PCSK2: variants seen among roughly 807,000 people sequenced by gnomAD.
PCSK2 encodes proprotein convertase subtilisin/kexin type 2, also known as neuroendocrine convertase 2.
PCSK2 carries 14 observed loss-of-function variants against 69.7 expected under a neutral mutation model. The observed-to-expected ratio is 0.20, with a 90% confidence interval of 0.13 to 0.31. The LOEUF (loss-of-function observed/expected upper bound fraction) is 0.31, where lower values mean the gene tolerates loss of function less well. Among genes scored for constraint, PCSK2 ranks in the 10% least tolerant of loss-of-function variants. The pLI is 1.00. For synonymous variants in PCSK2, 307 were observed against 320.7 expected (o/e 0.96, Z 0.46); for missense variants, 544 against 842.5 (o/e 0.65, Z 4.39).
intron 11 of PCSK2, among the ~76,000 whole-genome samples, chr20:17,467,637 G>A (rs940436317): frequency 6.6e-6 from 1 of 152,188 alleles, no homozygotes; most frequent in Non-Finnish European, 1.5e-5. Flanking sequence ...AAATTAAAAT[G>A]TGGAATTTTT....
chr20:17,287,187 A>G (rs376315139), intron 2 of PCSK2, among the ~76,000 whole-genome samples: 25 of 152,290 alleles, frequency 1.6e-4, no homozygotes, highest in African/African-American at 5.5e-4. Context: ...GCAACATCTA[A>G]ACTAGTGTTT....
chr20:17,384,562 A>G (rs937974340), intron 5 of PCSK2, among the ~76,000 whole-genome samples: 6 of 152,134 alleles, frequency 3.9e-5, no homozygotes, highest in Non-Finnish European at 8.8e-5. Context: ...AGATAGTGCC[A>G]TTGCACTCCA....
chr20:17,288,375 G>A (rs1199803466), intron 2 of PCSK2, among the ~76,000 whole-genome samples: 1 of 152,172 alleles, frequency 6.6e-6, no homozygotes, highest in Non-Finnish European at 1.5e-5. Flanking sequence ...GACAGCAATA[G>A]CAAGACCAGA....
intron 7 of PCSK2, among the ~76,000 whole-genome samples, chr20:17,435,556 T>C (rs1454673918): frequency 6.6e-6 from 1 of 152,164 alleles, no homozygotes; most frequent in Admixed American, 6.5e-5. Flanking sequence ...GTGCTCGCCA[T>C]GTTAGAGAGT....
In PCSK2 at chr20:17,347,925, G is replaced by A. The variant is rs561839342; in HGVS notation, c.283-10402G>A. 1.8e-4 allele frequency among the ~76,000 whole-genome samples: 10 copies of A among 54,122 alleles called. 2 individuals carry two copies. The highest frequency in any genetic ancestry group is 5.9e-4 in the African/African-American group (7 of 11,780). 35.5% of individuals were successfully genotyped at this position (54,122 alleles called of 152,430 possible). On this transcript the variant is annotated intron_variant, in intron 2 of 11. Coordinates refer to ENST00000262545, the MANE Select transcript of PCSK2 (RefSeq NM_002594.5). ...GAAAGAAAGAAAGAAAGAAAGGAGA[G>A]AGAAAAAAGAGAAAGAAAGAAAGAA...
chr20:17,345,694 A>G (rs1015244733), intron 2 of PCSK2, among the ~76,000 whole-genome samples: 1 of 152,234 alleles, frequency 6.6e-6, no homozygotes. Flanking sequence ...AAACCACCTC[A>G]GAACCCAAAC....
chr20:17,374,911 G>T (rs908365472), intron 5 of PCSK2, among the ~76,000 whole-genome samples: 2 of 152,160 alleles, frequency 1.3e-5, no homozygotes, highest in Non-Finnish European at 2.9e-5. Flanking sequence ...CAGCCAGCTT[G>T]CAAGGGTAGG....
chr20:17,284,617 G>C (rs1002609963), intron 2 of PCSK2, among the ~76,000 whole-genome samples: 1 of 152,198 alleles, frequency 6.6e-6, no homozygotes, highest in African/African-American at 2.4e-5. Flanking sequence ...TAGCAGAAGA[G>C]GTTGGCTTTC....
intron 5 of PCSK2, among the ~76,000 whole-genome samples, chr20:17,405,910 G>A (rs2031740716): frequency 6.6e-6 from 1 of 152,206 alleles, no homozygotes. Context: ...TCGGTGTGAT[G>A]GTACAATGAT....
chr20:17,377,303 C>T (rs1049815547), intron 5 of PCSK2, among the ~76,000 whole-genome samples: 2 of 152,186 alleles, frequency 1.3e-5, no homozygotes, highest in Non-Finnish European at 2.9e-5. Flanking sequence ...GAAAAAGGCC[C>T]ACCCCTACAT....
At chr20:17,376,772 G>A (rs1441604412) in intron 5 of PCSK2, among the ~76,000 whole-genome samples, 2 of 152,232 alleles carry the variant, frequency 1.3e-5, no homozygotes, top group African/African-American at 4.8e-5. Context: ...TTGTAAGGAA[G>A]TGTGTACTTT....
At chr20:17,276,124 T>G (rs2123035010) in intron 2 of PCSK2, among the ~76,000 whole-genome samples, 1 of 152,334 alleles carries the variant, frequency 6.6e-6, no homozygotes, top group East Asian at 1.9e-4. Flanking sequence ...AGTAGCATTT[T>G]TGTTCACTGC....
chr20:17,240,487 A>T (rs1010134767), intron 1 of PCSK2, among the ~76,000 whole-genome samples: 2 of 152,090 alleles, frequency 1.3e-5, no homozygotes, highest in Non-Finnish European at 2.9e-5. Flanking sequence ...CTGCCAGAGA[A>T]CACCCTCAGG....
intron 2 of PCSK2, among the ~76,000 whole-genome samples, chr20:17,357,682 A>G (rs6080656): frequency 0.75 from 114,032 of 151,996 alleles, 43,022 homozygotes; most frequent in African/African-American, 0.82. Context: ...ATCACCTGAG[A>G]TTGGGAGTTC....
intron 1 of PCSK2, among the ~76,000 whole-genome samples, chr20:17,245,079 C>G (rs1394748151): frequency 6.6e-6 from 1 of 152,134 alleles, no homozygotes; most frequent in East Asian, 1.9e-4. Context: ...CACCAACCAT[C>G]ACAGAATTAT....
At chr20:17,479,065 A>G (rs1222060820) in intron 11 of PCSK2, 20 of 1,243,208 alleles carry the variant, frequency 1.6e-5, no homozygotes, top group Non-Finnish European at 2.4e-5. Context: ...TAATGGCTTT[A>G]ACCCAACATT....
At chr20:17,307,019 T>C (rs1409461686) in intron 2 of PCSK2, among the ~76,000 whole-genome samples, 2 of 152,186 alleles carry the variant, frequency 1.3e-5, no homozygotes, top group Non-Finnish European at 2.9e-5. Context: ...TATGTTAATG[T>C]CTTATCAGCC....
chr20:17,322,109 G>A (rs933355126), intron 2 of PCSK2, among the ~76,000 whole-genome samples: 1 of 151,980 alleles, frequency 6.6e-6, no homozygotes, highest in Non-Finnish European at 1.5e-5. Flanking sequence ...ACTCTTCAAA[G>A]CCCACAAAAG....
intron 2 of PCSK2, among the ~76,000 whole-genome samples, chr20:17,353,466 A>AC: frequency 6.7e-6 from 1 of 149,434 alleles, no homozygotes; most frequent in African/African-American, 2.5e-5. Context: ...TCCATCACAC[A>AC]AAAAAAAAAA....
Sources: gnomAD v4.1 joint callset for allele counts (sites outside exome capture counted in the v4.1 genomes callset) on GRCh38, gnomAD v4.1.1 for gene constraint, MANE v1.5 for transcripts, NCBI Gene and HGNC (gene_info 2026-07-23, HGNC 2026-07-21) for gene names.